ADAMTS19: variants seen among roughly 807,000 people sequenced by gnomAD.
ADAMTS19 encodes ADAM metallopeptidase with thrombospondin type 1 motif 19, also known as A disintegrin and metalloproteinase with thrombospondin motifs 19.
Under a neutral mutation model 153.3 loss-of-function variants are expected in ADAMTS19, and 93 were observed. The ratio of observed to expected loss-of-function variants is 0.61; its 90% CI spans 0.51 to 0.72. The LOEUF is 0.72. ADAMTS19 is among the 30% of genes least tolerant of loss of function. The pLI is 0.00. For synonymous variants in ADAMTS19, 600 were observed against 556.6 expected, an observed-to-expected ratio of 1.08 and a Z score of -1.10; for missense variants, 1,482 against 1,552.1, an observed-to-expected ratio of 0.95 and a Z score of 0.76.
chr5:129,528,848 A>G (rs1004978914), intron 6 of ADAMTS19, among the ~76,000 whole-genome samples, 171 bp downstream of exon 6: 2 of 152,080 alleles, frequency 1.3e-5, no homozygotes, highest in African/African-American at 2.4e-5. Context: ...ATTTGTAAAC[A>G]GCTAAATATT....
intron 7 of ADAMTS19, among the ~76,000 whole-genome samples, chr5:129,566,420 A>G (rs747978163): frequency 5.3e-5 from 8 of 152,154 alleles, no homozygotes; most frequent in Non-Finnish European, 8.8e-5. Context: ...TCTCTCTCCC[A>G]TTGAATGCAC....
chr5:129,531,623 T>TCAAA (rs757958952), intron 6 of ADAMTS19, among the ~76,000 whole-genome samples: 35 of 152,132 alleles, frequency 2.3e-4, no homozygotes, highest in East Asian at 5.8e-4. Context: ...AGACTCTGTC[T>TCAAA]CAAACAAACA....
intron 16 of ADAMTS19, among the ~76,000 whole-genome samples, chr5:129,670,996 A>G (rs1391260127): frequency 1.3e-5 from 2 of 152,206 alleles, no homozygotes; most frequent in Non-Finnish European, 2.9e-5. Context: ...AGAAAGAAAC[A>G]CCATCTATGC....
intron 7 of ADAMTS19, among the ~76,000 whole-genome samples, chr5:129,552,722 G>T (rs941283978): frequency 2.0e-5 from 3 of 151,038 alleles, no homozygotes; most frequent in African/African-American, 7.4e-5. Flanking sequence ...TAAATAAAAG[G>T]GTGTAGAAAC....
At chr5:129,596,699 G>A in intron 8 of ADAMTS19, 35 bp downstream of exon 8, 1 of 1,421,194 alleles carries the variant, frequency 7.0e-7, no homozygotes, top group Non-Finnish European at 9.7e-7. Flanking sequence ...AAATATGTTA[G>A]CATATAACTT....
intron 2 of ADAMTS19, among the ~76,000 whole-genome samples, chr5:129,488,412 A>G (rs1366953117): frequency 6.6e-6 from 1 of 152,130 alleles, no homozygotes; most frequent in Non-Finnish European, 1.5e-5. Context: ...CCGACACATC[A>G]GCCCAGGTCC....
At chr5:129,702,939 AAAATATATATATATATAT>A (rs1417129063) in intron 20 of ADAMTS19, among the ~76,000 whole-genome samples, 2 of 14,222 alleles carry the variant, frequency 1.4e-4, no homozygotes, top group African/African-American at 3.4e-4. Context: ...CAAAAAAAAA[AAAATATATATATATATAT>A]ATATATATAT....
intron 2 of ADAMTS19, among the ~76,000 whole-genome samples, chr5:129,472,167 C>T (rs1446502105): frequency 1.3e-5 from 2 of 152,202 alleles, no homozygotes; most frequent in East Asian, 3.8e-4. Flanking sequence ...CTTAAACTGC[C>T]ATCAACAGTG....
chr5:129,503,023 A>G (rs1751153621), intron 2 of ADAMTS19, among the ~76,000 whole-genome samples: 1 of 152,220 alleles, frequency 6.6e-6, no homozygotes, highest in Non-Finnish European at 1.5e-5. Context: ...GCACAATGGC[A>G]TTCTGGAAAG....
chr5:129,687,316 A>G (rs903542319), intron 18 of ADAMTS19, among the ~76,000 whole-genome samples: 2 of 152,176 alleles, frequency 1.3e-5, no homozygotes, highest in African/African-American at 4.8e-5. Context: ...ATCCATTTAC[A>G]TTTAAAACTC....
At chr5:129,564,660 C>A (rs942744809) in intron 7 of ADAMTS19, among the ~76,000 whole-genome samples, 2 of 152,182 alleles carry the variant, frequency 1.3e-5, no homozygotes, top group African/African-American at 2.4e-5. Flanking sequence ...ATTTAATATT[C>A]ATTTCCCTTG....
intron 10 of ADAMTS19, among the ~76,000 whole-genome samples, chr5:129,625,504 T>TC (rs1751991785): frequency 6.6e-6 from 1 of 152,290 alleles, no homozygotes; most frequent in African/African-American, 2.4e-5. Context: ...ACCTGTTGTT[T>TC]CCTTACTTTT....
In ADAMTS19 at chr5:129,694,711, T is replaced by A. The variant is rs769705296; in HGVS notation, c.2819-9T>A. The A allele has an allele frequency of 1.9e-6, 3 of 1,540,928 alleles. No homozygotes were observed. In the South Asian group the frequency reaches 3.9e-5, roughly 20 times the overall value. ...TAATAATATTTCTTTGTTTATTTGTTCTTTTCAGGAGAAAGGAAGACAACA... is the reference window on the plus strand; with the variant it reads ...TAATAATATTTCTTTGTTTATTTGTACTTTTCAGGAGAAAGGAAGACAACA... On this transcript the variant is annotated splice_polypyrimidine_tract_variant and intron_variant, in intron 18 of 22. Transcript: ENST00000274487.
intron 7 of ADAMTS19, among the ~76,000 whole-genome samples, chr5:129,560,853 T>G (rs75623822): frequency 0.024 from 3,606 of 152,202 alleles, 114 homozygotes; most frequent in African/African-American, 0.078. Context: ...CACCGCAAGT[T>G]TTTTTAAAAA....
chr5:129,608,139 T>TATATATATATATATAA (rs1561599440), intron 8 of ADAMTS19, among the ~76,000 whole-genome samples: 3 of 137,120 alleles, frequency 2.2e-5, no homozygotes, highest in African/African-American at 7.9e-5. Context: ...TATATATATA[T>TATATATATATATATAA]AATGGAACAT....
chr5:129,616,313 AGTTT>A (rs1205132914), intron 8 of ADAMTS19, among the ~76,000 whole-genome samples: 2 of 152,110 alleles, frequency 1.3e-5, no homozygotes, highest in East Asian at 3.9e-4. Context: ...ACATTGTAAT[AGTTT>A]GTTTCTTTCT....
chr5:129,582,642 G>A (rs1428952025), intron 7 of ADAMTS19, among the ~76,000 whole-genome samples: 2 of 151,886 alleles, frequency 1.3e-5, no homozygotes, highest in African/African-American at 2.4e-5. Flanking sequence ...GCATGATCTC[G>A]GCTCACTGCA....
At chr5:129,694,399 G>A (rs928336052) in intron 18 of ADAMTS19, among the ~76,000 whole-genome samples, 1 of 152,154 alleles carries the variant, frequency 6.6e-6, no homozygotes, top group East Asian at 1.9e-4. Context: ...AATCAATTGA[G>A]TGACTATAGT....
chr5:129,464,601 T>A (rs1445623188), intron 2 of ADAMTS19, among the ~76,000 whole-genome samples: 2 of 152,190 alleles, frequency 1.3e-5, no homozygotes, highest in African/African-American at 4.8e-5. Context: ...AGCTATCCAG[T>A]AAAGTGAACA....
Sources: gnomAD v4.1 joint callset for allele counts (sites outside exome capture counted in the v4.1 genomes callset) on GRCh38, gnomAD v4.1.1 for gene constraint, MANE v1.5 for transcripts, NCBI Gene and HGNC (gene_info 2026-07-23, HGNC 2026-07-21) for gene names.